The following STK32B variants were observed in gnomAD, a reference collection of about 807,000 sequenced individuals.
STK32B encodes serine/threonine-protein kinase 32B.
A neutral mutation model predicts 52.6 loss-of-function variants in STK32B; 43 were observed. The ratio of observed to expected loss-of-function variants is 0.82; its 90% CI spans 0.64 to 1.05. The LOEUF (loss-of-function observed/expected upper bound fraction) is 1.05, where lower values mean the gene tolerates loss of function less well. STK32B is among the 50% of genes least tolerant of loss of function. The pLI is 0.00. For synonymous variants in STK32B, 238 were observed against 204.3 expected, an observed-to-expected ratio of 1.17 and a Z score of -1.41; for missense variants, 621 against 534.6, an observed-to-expected ratio of 1.16 and a Z score of -1.59.
rs571451621 is a variant in STK32B at position 5,313,741 on chromosome 4, C to T, written c.261-17479C>T. On this transcript the variant is annotated intron_variant, in intron 3 of 11. Coordinates refer to ENST00000282908, the MANE Select transcript of STK32B (RefSeq NM_018401.3). ...GATCAACCTAGAACTGTGACAGCACCATTACAGTATACAGCACTAGCATCC... is the reference window on the plus strand; with the variant it reads ...GATCAACCTAGAACTGTGACAGCACTATTACAGTATACAGCACTAGCATCC... Among the ~76,000 whole-genome samples, 9 of 152,222 alleles carry T rather than the reference C, an allele frequency of 5.9e-5. No individual in the cohort carries two copies. In the South Asian group the frequency reaches 1.7e-3, roughly 28 times the overall value.
At chr4:5,117,780 CT>C (rs1160834434) in intron 1 of STK32B, among the ~76,000 whole-genome samples, 1 of 151,628 alleles carries the variant, frequency 6.6e-6, no homozygotes, top group African/African-American at 2.4e-5. Context: ...CTAGTTTTTT[CT>C]TTCATGTTTC....
intron 6 of STK32B, among the ~76,000 whole-genome samples, chr4:5,446,096 C>G (rs536792441): frequency 4.6e-5 from 7 of 152,220 alleles, no homozygotes; most frequent in Non-Finnish European, 8.8e-5. Flanking sequence ...TCTTCCCTTT[C>G]GCCAAGTGGA....
chr4:5,319,814 G>A (rs1421241211), intron 3 of STK32B, among the ~76,000 whole-genome samples: 1 of 152,130 alleles, frequency 6.6e-6, no homozygotes, highest in Non-Finnish European at 1.5e-5. Context: ...GAAACTCTGA[G>A]AGCTCTGCCC....
At chr4:5,489,905 A>G (rs762638982) in intron 11 of STK32B, among the ~76,000 whole-genome samples, 20 of 152,222 alleles carry the variant, frequency 1.3e-4, no homozygotes, top group Non-Finnish European at 2.1e-4. Flanking sequence ...CAGAAGATAC[A>G]GTGTAATACA....
chr4:5,114,809 A>C (rs1167652420), intron 1 of STK32B, among the ~76,000 whole-genome samples: 1 of 152,166 alleles, frequency 6.6e-6, no homozygotes, highest in East Asian at 1.9e-4. Context: ...GTAGTGCTCT[A>C]ACTGGGAGAA....
At chr4:5,361,120 G>T (rs1734520362) in intron 4 of STK32B, among the ~76,000 whole-genome samples, 1 of 152,096 alleles carries the variant, frequency 6.6e-6, no homozygotes, top group African/African-American at 2.4e-5. Context: ...CATAATATCT[G>T]CAAGGTTCAT....
intron 3 of STK32B, among the ~76,000 whole-genome samples, chr4:5,296,450 A>G (rs1729203709): frequency 1.3e-5 from 2 of 152,138 alleles, no homozygotes. Context: ...GTGCTCCTGT[A>G]TTGGGTGCAT....
chr4:5,116,961 T>C (rs1394826661), intron 1 of STK32B, among the ~76,000 whole-genome samples: 1 of 152,214 alleles, frequency 6.6e-6, no homozygotes, highest in East Asian at 1.9e-4. Flanking sequence ...TGTTAGTGTG[T>C]AGAAAAACAA....
At chr4:5,335,909 A>T (rs1438168671) in intron 4 of STK32B, among the ~76,000 whole-genome samples, 1 of 151,516 alleles carries the variant, frequency 6.6e-6, no homozygotes, top group African/African-American at 2.4e-5. Flanking sequence ...CTATGTGGTC[A>T]ATTTTGGAAT....
chr4:5,346,823 G>A lies in STK32B; in HGVS notation c.434+15430G>A, dbSNP rs548721065. ...TATCCAAGACTGGGTAGTTTAGAAA[G>A]AAAGAAGGTTTAATTGACTCACGGT... On this transcript the variant is annotated intron_variant, in intron 4 of 11. Transcript: ENST00000282908. Among the ~76,000 whole-genome samples, 92 of 152,218 alleles carry A rather than the reference G, an allele frequency of 6.0e-4. 1 individual carries two copies. Among genetic ancestry groups the A allele is most frequent in the Non-Finnish European group, 1.1e-3 (72 of 68,030 alleles).
chr4:5,487,810 C>G (rs187285449), intron 11 of STK32B, among the ~76,000 whole-genome samples: 425 of 152,284 alleles, frequency 2.8e-3, no homozygotes, highest in Non-Finnish European at 3.9e-3. Context: ...ACACCCCCTT[C>G]TTATTTTGGT....
intron 3 of STK32B, among the ~76,000 whole-genome samples, chr4:5,213,098 T>G (rs1722999881): frequency 6.6e-6 from 1 of 152,180 alleles, no homozygotes; most frequent in Non-Finnish European, 1.5e-5. Context: ...CACTGCTGTT[T>G]TCAGGACACT....
chr4:5,415,174 A>C (rs1712054044), intron 5 of STK32B, among the ~76,000 whole-genome samples: 3 of 152,354 alleles, frequency 2.0e-5, no homozygotes, highest in African/African-American at 7.2e-5. Context: ...CGGCAGGATA[A>C]TAATGCTAAA....
intron 3 of STK32B, among the ~76,000 whole-genome samples, chr4:5,187,438 G>T (rs1209628584): frequency 6.6e-6 from 1 of 152,184 alleles, no homozygotes; most frequent in East Asian, 1.9e-4. Flanking sequence ...ATCGTGCAAG[G>T]TGGATGTTAC....
intron 3 of STK32B, among the ~76,000 whole-genome samples, chr4:5,232,517 G>A (rs757779054): frequency 1.3e-5 from 2 of 152,164 alleles, no homozygotes; most frequent in Non-Finnish European, 2.9e-5. Context: ...TCCAAGTTAA[G>A]GGACTCCTTG....
At chr4:5,263,699 C>T (rs969126075) in intron 3 of STK32B, among the ~76,000 whole-genome samples, 3 of 152,112 alleles carry the variant, frequency 2.0e-5, no homozygotes, top group South Asian at 2.1e-4. Context: ...TTGATTTTGA[C>T]GTGTGTATTC....
chr4:5,077,043 T>G (rs1256519057), intron 1 of STK32B, among the ~76,000 whole-genome samples: 1 of 152,162 alleles, frequency 6.6e-6, no homozygotes, highest in Non-Finnish European at 1.5e-5. Context: ...TGCTTTTATG[T>G]GGAGGACTCC....
intron 3 of STK32B, among the ~76,000 whole-genome samples, chr4:5,193,169 G>A (rs919017431): frequency 5.3e-5 from 8 of 152,056 alleles, no homozygotes; most frequent in African/African-American, 1.9e-4. Flanking sequence ...CTGTCCTCTC[G>A]TGCCTCCTGA....
chr4:5,317,866 G>T (rs113831199), intron 3 of STK32B, among the ~76,000 whole-genome samples: 20 of 151,506 alleles, frequency 1.3e-4, no homozygotes, highest in Admixed American at 4.6e-4. Flanking sequence ...AATGTAGATC[G>T]GCACTTCTCA....
Sources: gnomAD v4.1 joint callset for allele counts (sites outside exome capture counted in the v4.1 genomes callset) on GRCh38, gnomAD v4.1.1 for gene constraint, MANE v1.5 for transcripts, NCBI Gene and HGNC (gene_info 2026-07-23, HGNC 2026-07-21) for gene names.